Variants in PRKAG2 observed in about 807,000 individuals in gnomAD.
PRKAG2 encodes 5'-AMP-activated protein kinase subunit gamma-2.
A neutral mutation model predicts 69.6 loss-of-function variants in PRKAG2; 26 were observed. That is an observed-to-expected ratio of 0.37 (90% CI 0.27 to 0.52). The LOEUF (loss-of-function observed/expected upper bound fraction) is 0.52, where lower values mean the gene tolerates loss of function less well. PRKAG2 is among the 20% of genes least tolerant of loss of function. The pLI, the probability that PRKAG2 is intolerant of heterozygous loss-of-function variation, is 0.90. For missense variants in PRKAG2, 557 were observed against 740.0 expected, an observed-to-expected ratio of 0.75 and a Z score of 2.87; for synonymous variants, 293 against 285.0, an observed-to-expected ratio of 1.03 and a Z score of -0.28.
At chr7:151,735,888 G>A (rs777793059) in intron 3 of PRKAG2, 5 of 1,536,250 alleles carry the variant, frequency 3.3e-6, no homozygotes, top group Non-Finnish European at 4.4e-6. Flanking sequence ...TCGGGAATGG[G>A]CAGAGTCCTA....
At chr7:151,710,963 G>A (rs1777710323) in intron 3 of PRKAG2, among the ~76,000 whole-genome samples, 1 of 151,958 alleles carries the variant, frequency 6.6e-6, no homozygotes, top group African/African-American at 2.4e-5. Flanking sequence ...TATGGTACCA[G>A]CAGTACTAGC....
chr7:151,594,231 T>G (rs1021560980), intron 6 of PRKAG2, among the ~76,000 whole-genome samples: 4 of 152,236 alleles, frequency 2.6e-5, no homozygotes, highest in Admixed American at 2.6e-4. Flanking sequence ...CTCTGATCCC[T>G]TCATGCTTCC....
chr7:151,775,280 A>G (rs1431886788), intron 3 of PRKAG2, among the ~76,000 whole-genome samples: 5 of 151,888 alleles, frequency 3.3e-5, no homozygotes, highest in Non-Finnish European at 5.9e-5. Flanking sequence ...CCCCGCCCTG[A>G]TTGATTCAGG....
chr7:151,631,696 T>C (rs754213611), intron 5 of PRKAG2: 2 of 459,298 alleles, frequency 4.4e-6, no homozygotes, highest in Non-Finnish European at 4.4e-6. Flanking sequence ...GGGTCTGGAC[T>C]GTGGGTATGA....
chr7:151,795,975 GA>G (rs1427004112), intron 1 of PRKAG2, among the ~76,000 whole-genome samples: 22 of 143,780 alleles, frequency 1.5e-4, no homozygotes, highest in Non-Finnish European at 3.2e-4. Flanking sequence ...TACATATTAA[GA>G]AAAATATGTA....
At position 151,615,689 on chromosome 7, in the gene PRKAG2, A is replaced by T. The variant is rs143063466; in HGVS notation, c.754+16380T>A. On this transcript the variant is annotated intron_variant, in intron 5 of 15. Transcript: ENST00000287878. ...ATCCAACAAAGGTCCAATATCCAGG[A>T]TCAATAAGGAACTTAAACAAATTGA... Among the ~76,000 whole-genome samples, 242 of 152,328 alleles carry T rather than the reference A, an allele frequency of 1.6e-3. 1 individual carries two copies. The highest frequency in any genetic ancestry group is 5.7e-3 in the African/African-American group (235 of 41,570).
At chr7:151,833,334 G>C (rs1463619563) in intron 1 of PRKAG2, among the ~76,000 whole-genome samples, 2 of 152,176 alleles carry the variant, frequency 1.3e-5, no homozygotes, top group Non-Finnish European at 2.9e-5. Context: ...TGTGCAGCGG[G>C]AAGGGTTCTC....
At chr7:151,712,347 A>G (rs1341121695) in intron 3 of PRKAG2, among the ~76,000 whole-genome samples, 1 of 152,176 alleles carries the variant, frequency 6.6e-6, no homozygotes, top group Non-Finnish European at 1.5e-5. Flanking sequence ...AGGGAGAATC[A>G]GATGGGGTGG....
Position 151,675,578 on chromosome 7 carries a change from G to A in PRKAG2, c.526C>T (p.Pro176Ser). The part of the protein sequence containing the change: ...PTQVTKQHTF[P>S]LESYKHEPER... Reference sequence around the variant, plus strand: ...GGCTCGTGCTTATAGGATTCCAGGGGAAACGTGTGCTGCTTGGTCACTTGG... The same window carrying A: ...GGCTCGTGCTTATAGGATTCCAGGGAAAACGTGTGCTGCTTGGTCACTTGG... Residue 176 changes from proline to serine, a missense_variant, in exon 4 of 16, where the codon CCC (proline) becomes TCC (serine). Around this residue, in one of 2 missense-constraint regions of PRKAG2, gnomAD observed 352 missense variants for 356.7 expected, o/e 0.99. Coordinates refer to ENST00000287878, the MANE Select transcript of PRKAG2 (RefSeq NM_016203.4). The A allele has an allele frequency of 7.4e-6, 12 of 1,614,190 alleles. No individual in the cohort carries two copies. Among genetic ancestry groups the A allele is most frequent in the Non-Finnish European group, 1.0e-5 (12 of 1,180,016 alleles).
intron 1 of PRKAG2, among the ~76,000 whole-genome samples, chr7:151,822,336 G>A (rs1215237662): frequency 6.6e-6 from 1 of 151,912 alleles, no homozygotes; most frequent in African/African-American, 2.4e-5. Context: ...GCAGGCCAGG[G>A]TCAAGGGCGG....
intron 5 of PRKAG2, among the ~76,000 whole-genome samples, chr7:151,599,840 A>G (rs1210255301): frequency 6.6e-6 from 1 of 152,140 alleles, no homozygotes; most frequent in Admixed American, 6.5e-5. Context: ...CCTGACCTAT[A>G]AGACCTGGGA....
chr7:151,795,846 C>CATATAT lies in PRKAG2; in HGVS notation c.115-9311_115-9306dup, dbSNP rs55657994. Among the ~76,000 whole-genome samples, 233 of 56,734 alleles carry CATATAT rather than the reference C, an allele frequency of 4.1e-3. 2 individuals carry two copies. Among genetic ancestry groups the CATATAT allele is most frequent in the Non-Finnish European group, 5.7e-3 (168 of 29,722 alleles). The allele number at this position is 56,734 out of a possible 152,430, so 37.2% of individuals were successfully genotyped here. The stretch of plus-strand genomic sequence containing the variant: ...TGAGTCAATTCTTTCAAACAAATCT[C>CATATAT]ATATATATATATATATATATATATA... On this transcript the variant is annotated intron_variant, in intron 1 of 15. Coordinates refer to ENST00000287878, the MANE Select transcript of PRKAG2 (RefSeq NM_016203.4).
intron 1 of PRKAG2, among the ~76,000 whole-genome samples, chr7:151,794,610 G>T (rs753282173): frequency 2.0e-5 from 3 of 152,266 alleles, no homozygotes; most frequent in Non-Finnish European, 2.9e-5. Context: ...GGCCCCTCAT[G>T]CGGCTCCCGC....
At chr7:151,650,380 T>C (rs1260853095) in intron 4 of PRKAG2, among the ~76,000 whole-genome samples, 2 of 152,160 alleles carry the variant, frequency 1.3e-5, no homozygotes, top group Non-Finnish European at 2.9e-5. Context: ...ACGCAAACTT[T>C]ACCTCTAGGG....
intron 3 of PRKAG2, among the ~76,000 whole-genome samples, chr7:151,765,316 C>T (rs1024848056): frequency 1.2e-4 from 19 of 152,166 alleles, no homozygotes; most frequent in Non-Finnish European, 2.4e-4. Flanking sequence ...GTGCTACACA[C>T]TTTTCAACAA....
Position 151,756,508 on chromosome 7 carries a change from T to G in PRKAG2, c.466+24644A>C, listed in dbSNP as rs189380792. ...TGCTCTCATGCTCAATCCTCACCCC[T>G]ACTCTGCCTGGATGCAGGGGCTGAC... On this transcript the variant is annotated intron_variant, in intron 3 of 15. Coordinates refer to ENST00000287878, the MANE Select transcript of PRKAG2 (RefSeq NM_016203.4). This position sits in a 1 kb window ranked among gnomAD's most constrained non-coding sequence, Gnocchi z 4.9. 1.1e-4 allele frequency among the ~76,000 whole-genome samples: 16 copies of G among 152,336 alleles called. No homozygotes were observed. Among genetic ancestry groups the G allele is most frequent in the Non-Finnish European group, 1.9e-4 (13 of 68,022 alleles).
At chr7:151,870,618 C>T (rs573407137) in intron 1 of PRKAG2, among the ~76,000 whole-genome samples, 2 of 152,328 alleles carry the variant, frequency 1.3e-5, no homozygotes, top group Admixed American at 1.3e-4. Flanking sequence ...TGTCACGGTT[C>T]GATCCTCCAG....
chr7:151,558,595 G>A (rs550482218), intron 15 of PRKAG2: 26 of 931,040 alleles, frequency 2.8e-5, no homozygotes, highest in African/African-American at 1.6e-4. Context: ...AGATGCAGGC[G>A]CTCCCTGAGT....
chr7:151,740,090 C>A (rs1189412253), intron 3 of PRKAG2, among the ~76,000 whole-genome samples: 1 of 152,240 alleles, frequency 6.6e-6, no homozygotes, highest in East Asian at 1.9e-4. Context: ...CTTTGGGAGG[C>A]ACCGGACAGT....
Sources: allele counts gnomAD v4.1 joint callset (sites outside exome capture counted in the v4.1 genomes callset), GRCh38; gene constraint gnomAD v4.1.1; regional missense constraint gnomAD v4.1.1; non-coding constraint Gnocchi (gnomAD v3.1); transcripts MANE v1.5; gene names NCBI Gene and HGNC (gene_info 2026-07-23, HGNC 2026-07-21).